The following NOX4 variants were observed in gnomAD, a reference collection of about 807,000 sequenced individuals.
NOX4 encodes kidney oxidase-1.
A neutral mutation model predicts 87.6 loss-of-function variants in NOX4; 69 were observed. That is an observed-to-expected ratio of 0.79 (90% confidence interval 0.65 to 0.96). The LOEUF is 0.96. Ranked by LOEUF, NOX4 falls within the 40% of genes least tolerant of loss-of-function variation. The pLI is 0.00. For synonymous variants in NOX4, 275 were observed against 238.2 expected (o/e 1.15, Z -1.42); for missense variants, 680 against 681.5 (o/e 1.00, Z 0.02).
At chr11:89,553,310 T>C in the NOX4 span, among the ~76,000 whole-genome samples, 1 of 152,106 alleles carries the variant, frequency 6.6e-6, no homozygotes, top group Non-Finnish European at 1.5e-5. Context: ...TGGTGAGTGA[T>C]TTCTCACAGG....
chr11:89,388,064 T>C (rs1285706545), intron 11 of NOX4, among the ~76,000 whole-genome samples: 1 of 152,230 alleles, frequency 6.6e-6, no homozygotes, highest in African/African-American at 2.4e-5. Flanking sequence ...CAAATGTAAA[T>C]AAATTTGTAG....
intron 13 of NOX4, among the ~76,000 whole-genome samples, chr11:89,352,488 G>A (rs1205735967): frequency 6.6e-6 from 1 of 152,098 alleles, no homozygotes; most frequent in African/African-American, 2.4e-5. Context: ...GTAGATCTGG[G>A]CAATGTAAAT....
chr11:89,548,904 C>T, the NOX4 span: 2 of 152,134 alleles, frequency 1.3e-5, no homozygotes, highest in African/African-American at 4.8e-5. Context: ...CCAGACTCAC[C>T]CCATCCCACT....
rs1168382024 is a variant in NOX4, at chr11:89,325,909, A to ATATATATATG, written c.*846_*847insCATATATATA. ...TGTATATATATATATATATATATAT[A>ATATATATATG]TGTGTGTGTGTGTGTATATATATAT... On this transcript the variant is annotated 3_prime_UTR_variant, in exon 18 of 18. Coordinates refer to ENST00000263317, the MANE Select transcript of NOX4 (RefSeq NM_016931.5). 3 of 122,270 alleles carry ATATATATATG rather than the reference A, an allele frequency of 2.5e-5. No individual in the cohort carries two copies. Among genetic ancestry groups the ATATATATATG allele is most frequent in the African/African-American group, 9.9e-5 (3 of 30,274 alleles). The allele number at this position is 122,270 out of a possible 1,614,324, so 7.6% of individuals were successfully genotyped here.
intron 6 of NOX4, among the ~76,000 whole-genome samples, chr11:89,438,801 ATTATATATTATATATATTATATAATATC>A (rs1944261493): frequency 4.8e-4 from 2 of 4,166 alleles, no homozygotes; most frequent in South Asian, 6.0e-3. Context: ...TGTATAATAT[ATTATATATTATATATATTATATAATATC>A]TTATATATTA....
the NOX4 span, among the ~76,000 whole-genome samples, chr11:89,567,638 C>T: frequency 6.6e-6 from 1 of 152,132 alleles, no homozygotes; most frequent in Non-Finnish European, 1.5e-5. Context: ...CATCAGATCT[C>T]ATGAGAACTC....
chr11:89,454,676 A>G (rs1014717038), intron 2 of NOX4, among the ~76,000 whole-genome samples: 18 of 152,166 alleles, frequency 1.2e-4, no homozygotes, highest in African/African-American at 4.1e-4. Context: ...TAGTCTGGGC[A>G]TAAATAAAAA....
At chr11:89,384,310 C>G (rs1451593727) in intron 11 of NOX4, among the ~76,000 whole-genome samples, 1 of 152,110 alleles carries the variant, frequency 6.6e-6, no homozygotes, top group Non-Finnish European at 1.5e-5. Flanking sequence ...TGGACTGACC[C>G]TGACACCCAT....
the NOX4 span, among the ~76,000 whole-genome samples, chr11:89,579,313 A>G: frequency 5.3e-5 from 8 of 152,260 alleles, no homozygotes; most frequent in African/African-American, 1.9e-4. Context: ...GCTTTGGGTG[A>G]TAATGGTGTG....
At chr11:89,338,824 A>G (rs571045375) in intron 15 of NOX4, among the ~76,000 whole-genome samples, 19 of 152,210 alleles carry the variant, frequency 1.2e-4, no homozygotes, top group African/African-American at 4.1e-4. Flanking sequence ...ATTTTGTTTG[A>G]TGGTTGTTCT....
intron 2 of NOX4, among the ~76,000 whole-genome samples, chr11:89,479,333 G>A (rs973566325): frequency 1.3e-4 from 20 of 152,010 alleles, no homozygotes; most frequent in African/African-American, 3.9e-4. Context: ...TCCTCCCACC[G>A]GACCTTAGCT....
chr11:89,459,353 T>C (rs1945347521), intron 2 of NOX4, among the ~76,000 whole-genome samples: 1 of 152,116 alleles, frequency 6.6e-6, no homozygotes, highest in Admixed American at 6.6e-5. Context: ...CTATGCTTAT[T>C]ACTTGGGTGA....
At chr11:89,493,326 G>A (rs1267577105), upstream of NOX4, among the ~76,000 whole-genome samples, 1 of 151,804 alleles carries the variant, frequency 6.6e-6, no homozygotes, top group Non-Finnish European at 1.5e-5. Context: ...CAGAGGTTGC[G>A]GTGAGCCAAG....
At chr11:89,396,068 G>A (rs762843199) in intron 11 of NOX4, among the ~76,000 whole-genome samples, 33 of 152,046 alleles carry the variant, frequency 2.2e-4, no homozygotes, top group Non-Finnish European at 1.5e-5. Flanking sequence ...GATGGGGATG[G>A]CATTGAATCT....
At chr11:89,379,351 G>A (rs910561799) in intron 11 of NOX4, among the ~76,000 whole-genome samples, 11 of 151,598 alleles carry the variant, frequency 7.3e-5, no homozygotes, top group South Asian at 2.1e-4. Flanking sequence ...ATAGGAGGAA[G>A]TTAGAGTTGG....
the NOX4 span, among the ~76,000 whole-genome samples, chr11:89,507,728 T>C: frequency 3.9e-5 from 6 of 152,010 alleles, no homozygotes; most frequent in African/African-American, 1.4e-4. Context: ...TACTCTTATG[T>C]TTCTGCAGTA....
intron 11 of NOX4, among the ~76,000 whole-genome samples, chr11:89,383,658 C>T (rs1453382049): frequency 6.6e-6 from 1 of 152,156 alleles, no homozygotes; most frequent in African/African-American, 2.4e-5. Flanking sequence ...CCTCTTAAAA[C>T]TCCCCAACTC....
At chr11:89,451,654 T>C (rs538702643) in intron 3 of NOX4, 131 bp downstream of exon 3, 20 of 631,650 alleles carry the variant, frequency 3.2e-5, no homozygotes, top group South Asian at 2.3e-4. Flanking sequence ...GCAGGTGACA[T>C]GTCTTTTACC....
intron 2 of NOX4, among the ~76,000 whole-genome samples, chr11:89,478,130 T>C (rs1295875752): frequency 6.6e-6 from 1 of 152,160 alleles, no homozygotes. Flanking sequence ...TTAACACTTT[T>C]TGAGAGTCTT....
Sources: allele counts gnomAD v4.1 joint callset (sites outside exome capture counted in the v4.1 genomes callset), GRCh38; gene constraint gnomAD v4.1.1; transcripts MANE v1.5; gene names NCBI Gene and HGNC (gene_info 2026-07-23, HGNC 2026-07-21).